The following DENND5B variants were observed in gnomAD, a reference collection of about 807,000 sequenced individuals.
The protein encoded by DENND5B is DENN domain containing 5B.
DENND5B carries 34 observed loss-of-function variants against 140.6 expected under a neutral mutation model. The ratio of observed to expected loss-of-function variants is 0.24; its 90% CI spans 0.18 to 0.32. The LOEUF (loss-of-function observed/expected upper bound fraction) is 0.32, where lower values mean the gene tolerates loss of function less well. Among genes scored for constraint, DENND5B ranks in the 10% least tolerant of loss-of-function variants. The pLI is 1.00. For missense variants in DENND5B, 1,142 were observed against 1,560.2 expected (o/e 0.73, Z 4.52); for synonymous variants, 551 against 562.1 (o/e 0.98, Z 0.28).
chr12:31,586,556 G>A (rs1443900874), intron 1 of DENND5B, among the ~76,000 whole-genome samples: 1 of 152,182 alleles, frequency 6.6e-6, no homozygotes, highest in Non-Finnish European at 1.5e-5. Context: ...ACGTATTTGA[G>A]ATGAAAGAAG....
At chr12:31,546,856 C>G (rs1245323618) in intron 1 of DENND5B, among the ~76,000 whole-genome samples, 2 of 152,156 alleles carry the variant, frequency 1.3e-5, no homozygotes. Context: ...TTGATACATT[C>G]GACAACCGCA....
Position 31,389,436 on chromosome 12 carries a change from T to C in DENND5B, c.3529A>G (p.Ile1177Val). 1 of 1,608,316 alleles carries C rather than the reference T, an allele frequency of 6.2e-7. No individual in the cohort carries two copies. Among genetic ancestry groups the C allele is most frequent in the Non-Finnish European group, 8.5e-7 (1 of 1,177,156 alleles). The change falls in exon 20 of 21, where the codon ATT (isoleucine) becomes GTT (valine). Residue 1177 changes from isoleucine to valine, a missense_variant. Physicochemically the swap from Ile to Val is conservative, Grantham distance 29 (BLOSUM62 3). Transcript: ENST00000389082. ...QILDNEDDVL[I>V]QKSSCKTFCH... ...AAGGTTTTGCAGGATGATTTCTGAA[T>C]AAGGACATCATCTTCATTATCTAGA...
At chr12:31,420,169 C>A in intron 11 of DENND5B, 1 of 659,462 alleles carries the variant, frequency 1.5e-6, no homozygotes, top group Non-Finnish European at 1.9e-6. Context: ...CTCTGTCACC[C>A]AAGCTAGAGT....
chr12:31,397,117 T>C (rs1941515804), intron 17 of DENND5B, among the ~76,000 whole-genome samples: 1 of 152,156 alleles, frequency 6.6e-6, no homozygotes, highest in African/African-American at 2.4e-5. Flanking sequence ...AATTAGAAGT[T>C]TACTATATTA....
At chr12:31,530,500 T>C (rs1948244623) in intron 1 of DENND5B, among the ~76,000 whole-genome samples, 1 of 152,262 alleles carries the variant, frequency 6.6e-6, no homozygotes, top group Non-Finnish European at 1.5e-5. Context: ...CATTTTACTA[T>C]ATTCTCAATG....
chr12:31,411,250 C>T (rs1292948377), intron 13 of DENND5B, among the ~76,000 whole-genome samples: 6 of 150,866 alleles, frequency 4.0e-5, no homozygotes, highest in African/African-American at 1.5e-4. Flanking sequence ...GTTGGTCAGG[C>T]TAGTCTCGAA....
chr12:31,445,224 T>C (rs1190121139), intron 6 of DENND5B, among the ~76,000 whole-genome samples: 1 of 152,128 alleles, frequency 6.6e-6, no homozygotes, highest in Non-Finnish European at 1.5e-5. Context: ...ACTAGTACAT[T>C]TTACATAGTT....
intron 14 of DENND5B, among the ~76,000 whole-genome samples, chr12:31,405,608 T>C (rs1411757075): frequency 6.6e-6 from 1 of 151,922 alleles, no homozygotes; most frequent in African/African-American, 2.4e-5. Flanking sequence ...AGTGCAGTGG[T>C]GCAATCTCAG....
chr12:31,430,984 TAAAC>T (rs1261164232), intron 8 of DENND5B, among the ~76,000 whole-genome samples: 1 of 152,112 alleles, frequency 6.6e-6, no homozygotes, highest in Admixed American at 6.5e-5. Context: ...GCCTTTAAAA[TAAAC>T]AAGTGATGAT....
intron 2 of DENND5B, among the ~76,000 whole-genome samples, chr12:31,483,865 CTTTT>C (rs200066618): frequency 1.5e-5 from 2 of 129,398 alleles, no homozygotes; most frequent in African/African-American, 2.8e-5. Flanking sequence ...CTTTTCTTTT[CTTTT>C]TTTTTTTTTT....
intron 6 of DENND5B, chr12:31,444,115 C>T (rs1484132255): frequency 6.6e-6 from 1 of 152,054 alleles, no homozygotes; most frequent in East Asian, 1.9e-4. Flanking sequence ...TGATCCTCTG[C>T]CTAGAGATTA....
At chr12:31,588,857 G>T (rs1389672259) in intron 1 of DENND5B, among the ~76,000 whole-genome samples, 4 of 152,162 alleles carry the variant, frequency 2.6e-5, no homozygotes, top group Non-Finnish European at 4.4e-5. Flanking sequence ...ACTGTTGGAT[G>T]AATGATACTG....
chr12:31,530,763 C>A (rs1264950982), intron 1 of DENND5B, among the ~76,000 whole-genome samples: 2 of 152,128 alleles, frequency 1.3e-5, no homozygotes, highest in Non-Finnish European at 2.9e-5. Flanking sequence ...ATTTCCTTAA[C>A]AAAATAAGTA....
At position 31,532,819 on chromosome 12, in the gene DENND5B, T is replaced by C. The variant is rs186482676; in HGVS notation, c.128-36900A>G. 4.4e-3 allele frequency among the ~76,000 whole-genome samples: 665 copies of C among 152,346 alleles called. 7 individuals are homozygous for C. The highest frequency in any genetic ancestry group is 0.027 in the Middle Eastern group (8 of 294). On this transcript the variant is annotated intron_variant, in intron 1 of 20. Transcript: ENST00000389082. ...GAGGATCTGGTTTGAAATGAAAGCA[T>C]GTTCCATCTCAGATATGTTGATGAT...
chr12:31,572,004 C>T (rs1449848797), intron 1 of DENND5B, among the ~76,000 whole-genome samples: 3 of 152,162 alleles, frequency 2.0e-5, no homozygotes, highest in Non-Finnish European at 2.9e-5. Flanking sequence ...GCAGGTGGAT[C>T]ATGTGAGGTC....
intron 1 of DENND5B, among the ~76,000 whole-genome samples, chr12:31,551,686 C>T (rs1488174589): frequency 6.6e-6 from 1 of 152,154 alleles, no homozygotes; most frequent in African/African-American, 2.4e-5. Flanking sequence ...TTGATTCTTC[C>T]TACCCATGAG....
chr12:31,443,879 TA>T (rs1316407290), intron 6 of DENND5B: 3 of 152,164 alleles, frequency 2.0e-5, no homozygotes, highest in Non-Finnish European at 4.4e-5. Context: ...GTCCAGAGGA[TA>T]AGAAACTGGC....
chr12:31,572,639 G>A (rs1949867749), intron 1 of DENND5B, among the ~76,000 whole-genome samples: 1 of 151,264 alleles, frequency 6.6e-6, no homozygotes, highest in South Asian at 2.1e-4. Context: ...TCTATTTTAG[G>A]CATCTGAAAA....
rs371067623 is a variant in DENND5B, at chr12:31,433,241, C to T, written c.2020G>A (p.Val674Ile). ...ATGPTSNNRW[V>I]SRSATAQRRK... ...CGCTGTGCAGTGGCACTCCGACTTACCCAGCGACTGAAACAATCAAATTAT... is the reference window on the plus strand; with the variant it reads ...CGCTGTGCAGTGGCACTCCGACTTATCCAGCGACTGAAACAATCAAATTAT... Residue 674 changes from valine to isoleucine, a missense_variant, in exon 8 of 21, where the codon GTA (valine) becomes ATA (isoleucine). Around this residue, in one of 5 missense-constraint regions of DENND5B, gnomAD observed 708 missense variants for 905.5 expected, o/e 0.78. Coordinates refer to ENST00000389082, the MANE Select transcript of DENND5B (RefSeq NM_144973.4). The T allele has an allele frequency of 5.3e-5, 85 of 1,608,942 alleles. No homozygotes were observed. The highest frequency in any genetic ancestry group is 6.9e-5 in the Non-Finnish European group (81 of 1,178,374).
Sources: allele counts gnomAD v4.1 joint callset (sites outside exome capture counted in the v4.1 genomes callset), GRCh38; gene constraint gnomAD v4.1.1; regional missense constraint gnomAD v4.1.1; transcripts MANE v1.5; gene names NCBI Gene and HGNC (gene_info 2026-07-23, HGNC 2026-07-21).